Variants in SHCBP1L observed in about 807,000 individuals in gnomAD.
SHCBP1L encodes the protein SHC binding and spindle associated 1 like.
A neutral mutation model predicts 62.5 loss-of-function variants in SHCBP1L; 67 were observed. The observed-to-expected ratio is 1.07, with a 90% CI of 0.88 to 1.31. The LOEUF is 1.31. Ranked by LOEUF, SHCBP1L falls within the 40% of genes most tolerant of loss-of-function variation. The pLI, the probability that SHCBP1L is intolerant of heterozygous loss-of-function variation, is 0.00. For synonymous variants in SHCBP1L, 284 were observed against 289.4 expected, an observed-to-expected ratio of 0.98 and a Z score of 0.19; for missense variants, 823 against 809.8, an observed-to-expected ratio of 1.02 and a Z score of -0.20.
rs758864049 is a variant in SHCBP1L, at chr1:182,929,703, T to C, written c.1126A>G (p.Arg376Gly). 1.0e-4 allele frequency: 167 copies of C among 1,595,128 alleles called. No individual in the cohort carries two copies. Among genetic ancestry groups the C allele is most frequent in the Non-Finnish European group, 1.3e-4 (157 of 1,175,428 alleles). ...PRILRRRKGKREFGKTITHIV... is the reference protein window; with the variant it reads ...PRILRRRKGKGEFGKTITHIV... ...TGTGTTATAGTCTTTCCAAATTCTCTTTTTCCTTTCCTACGCCTCAGAATT... is the reference window on the plus strand; with the variant it reads ...TGTGTTATAGTCTTTCCAAATTCTCCTTTTCCTTTCCTACGCCTCAGAATT... Residue 376 changes from arginine (R) to glycine (G), a missense_variant, in exon 6 of 10, where the codon AGA becomes GGA. Transcript: ENST00000367547.
Position 182,953,025 on chromosome 1 carries a change from C to G in SHCBP1L, c.109G>C (p.Ala37Pro), listed in dbSNP as rs1157707692. Reference protein sequence around the residue: ...ASAVSGDTAAATTLKGTAIPV... With the variant: ...ASAVSGDTAAPTTLKGTAIPV... ...ATCGCGGTGCCCTTCAGGGTGGTCG[C>G]GGCCGCCGTGTCCCCGGAGACAGCG... is the stretch of plus-strand genomic sequence containing the variant. The change falls in exon 1 of 10, where the codon GCG becomes CCG. Residue 37 changes from alanine to proline, a missense_variant. Ala to Pro is a conservative substitution (Grantham distance 27, BLOSUM62 -1). Coordinates refer to ENST00000367547, the MANE Select transcript of SHCBP1L (RefSeq NM_030933.4). 2 of 1,542,078 alleles carry G rather than the reference C, an allele frequency of 1.3e-6. No individual in the cohort carries two copies. The highest frequency in any genetic ancestry group is 3.9e-5 in the Admixed American group (2 of 51,744).
intron 9 of SHCBP1L, among the ~76,000 whole-genome samples, chr1:182,901,185 T>A (rs932731012): frequency 1.3e-5 from 2 of 151,874 alleles, no homozygotes; most frequent in Non-Finnish European, 2.9e-5. Context: ...AGGTCAGGCG[T>A]GGTGGCTCAC....
chr1:182,935,625 C>T (rs1226428269), intron 5 of SHCBP1L, among the ~76,000 whole-genome samples: 1 of 151,702 alleles, frequency 6.6e-6, no homozygotes, highest in Non-Finnish European at 1.5e-5. Flanking sequence ...TCTTCTTTTC[C>T]AGTTTGTAGG....
At chr1:182,911,090 A>G (rs1182051894) in intron 6 of SHCBP1L, among the ~76,000 whole-genome samples, 2 of 151,960 alleles carry the variant, frequency 1.3e-5, no homozygotes, top group African/African-American at 4.8e-5. Flanking sequence ...GGGTTTCACC[A>G]TGTTGGCCAG....
At position 182,904,323 on chromosome 1, in the gene SHCBP1L, G is replaced by T; in HGVS notation, c.1444C>A (p.Gln482Lys). The T allele has an allele frequency of 6.2e-7, 1 of 1,614,088 alleles. No individual in the cohort carries two copies. Among genetic ancestry groups the T allele is most frequent in the Non-Finnish European group, 8.5e-7 (1 of 1,180,016 alleles). ...ACCACGATACCATCAACCGTCCCTT[G>T]TTGTATCAAAGATAGATGCATTAGT... ...VKLMHLSLIQQGTVDGIVVVE... is the reference protein window; with the variant it reads ...VKLMHLSLIQKGTVDGIVVVE... Residue 482 changes from glutamine (Q) to lysine (K), a missense_variant, in exon 8 of 10, where the codon CAA becomes AAA. By Grantham distance (53) the Gln-to-Lys change is moderately conservative. Coordinates refer to ENST00000367547, the MANE Select transcript of SHCBP1L (RefSeq NM_030933.4).
chr1:182,946,111 T>C (rs1211771801), intron 2 of SHCBP1L, among the ~76,000 whole-genome samples: 1 of 152,060 alleles, frequency 6.6e-6, no homozygotes, highest in Non-Finnish European at 1.5e-5. Context: ...ATTCTACCTC[T>C]TGATTCTTTA....
At chr1:182,915,453 A>T (rs1571341231) in intron 6 of SHCBP1L, among the ~76,000 whole-genome samples, 1 of 152,322 alleles carries the variant, frequency 6.6e-6, no homozygotes, top group Non-Finnish European at 1.5e-5. Context: ...TAAAACATTC[A>T]CAGAATTGAA....
At chr1:182,916,753 T>A (rs1393929301) in intron 6 of SHCBP1L, among the ~76,000 whole-genome samples, 2 of 151,900 alleles carry the variant, frequency 1.3e-5, no homozygotes, top group Admixed American at 6.6e-5. Flanking sequence ...TAAGCAAAAA[T>A]CTCCCAACAA....
chr1:182,908,779 A>G (rs1650092821), intron 6 of SHCBP1L, among the ~76,000 whole-genome samples: 2 of 152,130 alleles, frequency 1.3e-5, no homozygotes, highest in African/African-American at 2.4e-5. Context: ...ACATTTTAAG[A>G]CTCTTGGATA....
intron 9 of SHCBP1L, among the ~76,000 whole-genome samples, chr1:182,901,569 G>T (rs10911157): frequency 0.04 from 6,092 of 152,306 alleles, 302 homozygotes; most frequent in African/African-American, 0.11. Context: ...ATAAGAGGAA[G>T]ATTGGAAGGA....
chr1:182,901,264 C>G (rs796652552), intron 9 of SHCBP1L, among the ~76,000 whole-genome samples: 1 of 152,040 alleles, frequency 6.6e-6, no homozygotes, highest in Non-Finnish European at 1.5e-5. Context: ...TCGAGACCAG[C>G]CTGACCAACA....
In SHCBP1L at chr1:182,900,038, T is replaced by A; in HGVS notation, c.1907A>T (p.Asn636Ile). ...KVMQNLNLEM[N>I]NNKIEANVKG... Reference sequence around the variant, plus strand: ...GACGTTTGCTTCTATCTTATTATTATTCATTTCCAGATTCAGATTTTGCAT... The same window carrying A: ...GACGTTTGCTTCTATCTTATTATTAATCATTTCCAGATTCAGATTTTGCAT... Residue 636 changes from asparagine (N) to isoleucine (I), a missense_variant, in exon 10 of 10, where the codon AAT (asparagine) becomes ATT (isoleucine). By Grantham distance (149) the Asn-to-Ile change is moderately radical (BLOSUM62 -3). Transcript: ENST00000367547. The A allele has an allele frequency of 6.2e-7, 1 of 1,613,390 alleles. No individual in the cohort carries two copies. The highest frequency in any genetic ancestry group is 8.5e-7 in the Non-Finnish European group (1 of 1,179,608).
At chr1:182,942,778 T>C (rs997162088) in intron 2 of SHCBP1L, among the ~76,000 whole-genome samples, 1 of 152,224 alleles carries the variant, frequency 6.6e-6, no homozygotes, top group Non-Finnish European at 1.5e-5. Context: ...GCCAATGAAA[T>C]TCTTTATTTT....
chr1:182,940,675 C>A (rs1226609470), intron 2 of SHCBP1L, 132 bp from the exon 3 acceptor site: 3 of 657,830 alleles, frequency 4.6e-6, no homozygotes, highest in African/African-American at 3.7e-5. Flanking sequence ...AATCAACATA[C>A]AGAATAATTA....
intron 6 of SHCBP1L, among the ~76,000 whole-genome samples, chr1:182,928,001 T>G (rs889132724): frequency 6.6e-6 from 1 of 152,202 alleles, no homozygotes; most frequent in Non-Finnish European, 1.5e-5. Flanking sequence ...AAAGCAAGAT[T>G]TATACCTTTT....
At chr1:182,913,842 G>A (rs1557992406) in intron 6 of SHCBP1L, among the ~76,000 whole-genome samples, 1 of 152,138 alleles carries the variant, frequency 6.6e-6, no homozygotes, top group South Asian at 2.1e-4. Flanking sequence ...TTAACCAGAT[G>A]TGGTGCCACA....
At chr1:182,910,684 A>G (rs566681056) in intron 6 of SHCBP1L, among the ~76,000 whole-genome samples, 8 of 152,324 alleles carry the variant, frequency 5.3e-5, no homozygotes, top group African/African-American at 1.9e-4. Flanking sequence ...GCAGGGCTAG[A>G]CGTATGCTCA....
At chr1:182,907,674 G>A (rs1650059538) in intron 6 of SHCBP1L, among the ~76,000 whole-genome samples, 3 of 151,724 alleles carry the variant, frequency 2.0e-5, no homozygotes, top group Admixed American at 2.0e-4. Flanking sequence ...AACCTCCCGG[G>A]TTCAAGTGAT....
intron 5 of SHCBP1L, among the ~76,000 whole-genome samples, chr1:182,935,877 T>C (rs1197824509): frequency 6.6e-6 from 1 of 152,240 alleles, no homozygotes; most frequent in Non-Finnish European, 1.5e-5. Context: ...ATCCCTTTAC[T>C]TTGAACATAT....
Sources: gnomAD v4.1 joint callset for allele counts (sites outside exome capture counted in the v4.1 genomes callset) on GRCh38, gnomAD v4.1.1 for gene constraint, MANE v1.5 for transcripts, NCBI Gene and HGNC (gene_info 2026-07-23, HGNC 2026-07-21) for gene names.